The following SERPINI1 variants were observed in gnomAD, a reference collection of about 807,000 sequenced individuals.
The protein encoded by SERPINI1 is serpin family I member 1.
SERPINI1 carries 19 observed loss-of-function variants against 41.1 expected under a neutral mutation model. That is an observed-to-expected ratio of 0.46 (90% CI 0.32 to 0.68). The LOEUF (loss-of-function observed/expected upper bound fraction) is 0.68, where lower values mean the gene tolerates loss of function less well. SERPINI1 is among the 30% of genes least tolerant of loss of function. The pLI, the probability that SERPINI1 is intolerant of heterozygous loss-of-function variation, is 0.03. For missense variants in SERPINI1, 460 were observed against 479.2 expected (o/e 0.96, Z 0.37); for synonymous variants, 138 against 156.6 (o/e 0.88, Z 0.89).
At chr3:167,805,098 A>G (rs563069105) in intron 5 of SERPINI1, among the ~76,000 whole-genome samples, 1 of 152,312 alleles carries the variant, frequency 6.6e-6, no homozygotes, top group East Asian at 1.9e-4. Context: ...AATTAAAACA[A>G]AAATAAAGAC....
intron 1 of SERPINI1, among the ~76,000 whole-genome samples, chr3:167,743,227 A>G (rs1271674163): frequency 6.6e-6 from 1 of 152,068 alleles, no homozygotes. Context: ...AGGAGAGCCT[A>G]CTCTAAAAAT....
intron 1 of SERPINI1, among the ~76,000 whole-genome samples, chr3:167,772,963 T>A (rs1341311098): frequency 8.0e-6 from 1 of 124,332 alleles, no homozygotes; most frequent in Non-Finnish European, 1.7e-5. Context: ...TATATGTATA[T>A]GTGTGTATAT....
At chr3:167,789,421 AC>A (rs1560008797) in intron 2 of SERPINI1, 43 bp downstream of exon 2, 2 of 1,610,292 alleles carry the variant, frequency 1.2e-6, no homozygotes, top group Non-Finnish European at 1.7e-6. Flanking sequence ...TTTGAATTTG[AC>A]TTTGACTCAG....
At chr3:167,756,596 C>T (rs1027585075) in intron 1 of SERPINI1, among the ~76,000 whole-genome samples, 8 of 152,152 alleles carry the variant, frequency 5.3e-5, no homozygotes, top group Admixed American at 1.3e-4. Flanking sequence ...AGGCATAAGC[C>T]GCAACACCCA....
intron 1 of SERPINI1, among the ~76,000 whole-genome samples, chr3:167,784,075 A>C (rs1727226878): frequency 6.6e-6 from 1 of 152,070 alleles, no homozygotes; most frequent in Non-Finnish European, 1.5e-5. Context: ...TGTGGTTTTG[A>C]CATCCCATTT....
At position 167,752,397 on chromosome 3, in the gene SERPINI1, AG is replaced by A. The variant is rs558453080; in HGVS notation, c.-19+16576del. On this transcript the variant is annotated intron_variant, in intron 1 of 8. Coordinates refer to ENST00000446050, the MANE Select transcript of SERPINI1 (RefSeq NM_001122752.2). The stretch of plus-strand genomic sequence containing the variant: ...GTTCCAGCCTTCTCCATCTTAATGA[AG>A]GACAGCTCCACCTACCTACCCAGCT... 4.6e-5 allele frequency among the ~76,000 whole-genome samples: 7 copies of A among 152,286 alleles called. No individual in the cohort carries two copies. The South Asian group carries it at 1.5e-3, about 32-fold the overall frequency.
At chr3:167,742,900 C>T (rs1250525120) in intron 1 of SERPINI1, among the ~76,000 whole-genome samples, 1 of 151,178 alleles carries the variant, frequency 6.6e-6, no homozygotes, top group Non-Finnish European at 1.5e-5. Context: ...CAAGTGTTCA[C>T]TTCAGTGATT....
chr3:167,784,584 T>A (rs1398207854), intron 1 of SERPINI1, among the ~76,000 whole-genome samples: 1 of 152,094 alleles, frequency 6.6e-6, no homozygotes, highest in African/African-American at 2.4e-5. Flanking sequence ...ACAATCATGG[T>A]GGAAGGCAAA....
At chr3:167,766,808 A>G (rs112840302) in intron 1 of SERPINI1, among the ~76,000 whole-genome samples, 1,816 of 152,358 alleles carry the variant, frequency 0.012, 29 homozygotes, top group African/African-American at 0.039. Flanking sequence ...CCTAAATTCT[A>G]TGAAGGCTGA....
intron 1 of SERPINI1, among the ~76,000 whole-genome samples, chr3:167,744,669 T>C: frequency 9.7e-6 from 1 of 103,422 alleles, no homozygotes; most frequent in East Asian, 2.3e-4. Context: ...TATAAAAATA[T>C]ATATATAAAT....
intron 5 of SERPINI1, among the ~76,000 whole-genome samples, chr3:167,797,166 C>A (rs1727743395): frequency 6.6e-6 from 1 of 151,932 alleles, no homozygotes; most frequent in South Asian, 2.1e-4. Flanking sequence ...TCTTTTGAGT[C>A]ATGTTGTTCA....
chr3:167,737,029 G>T (rs538136507), intron 1 of SERPINI1, among the ~76,000 whole-genome samples: 10 of 151,632 alleles, frequency 6.6e-5, no homozygotes, highest in African/African-American at 2.4e-4. Context: ...AATAACCAGG[G>T]TCAATAAAAT....
intron 1 of SERPINI1, among the ~76,000 whole-genome samples, chr3:167,751,984 T>C (rs913277471): frequency 1.3e-5 from 2 of 152,232 alleles, no homozygotes; most frequent in African/African-American, 2.4e-5. Flanking sequence ...ACAATAGTTA[T>C]GCCAAATGGG....
chr3:167,770,283 T>C (rs1224458666), intron 1 of SERPINI1, among the ~76,000 whole-genome samples: 11 of 152,028 alleles, frequency 7.2e-5, no homozygotes. Flanking sequence ...GTCTGATCTC[T>C]CTGGAATTTA....
chr3:167,740,976 G>A (rs1254147704), intron 1 of SERPINI1, among the ~76,000 whole-genome samples: 1 of 152,216 alleles, frequency 6.6e-6, no homozygotes, highest in African/African-American at 2.4e-5. Flanking sequence ...TCCATTTTCA[G>A]TGAAAAGGCT....
At chr3:167,792,853 A>C in intron 4 of SERPINI1, 69 bp downstream of exon 4, 1 of 1,350,596 alleles carries the variant, frequency 7.4e-7, no homozygotes, top group Non-Finnish European at 1.1e-6. Flanking sequence ...AAAAACATGA[A>C]GCATTCATAT....
At chr3:167,745,667 G>T (rs1478213428) in intron 1 of SERPINI1, among the ~76,000 whole-genome samples, 1 of 151,938 alleles carries the variant, frequency 6.6e-6, no homozygotes, top group Non-Finnish European at 1.5e-5. Flanking sequence ...AAATCCTAAA[G>T]AATCCACATG....
At chr3:167,736,321 C>T (rs1444263990) in intron 1 of SERPINI1, among the ~76,000 whole-genome samples, 3 of 152,128 alleles carry the variant, frequency 2.0e-5, no homozygotes, top group Non-Finnish European at 4.4e-5. Context: ...TGCAAGAAAT[C>T]CGTATTAAAG....
At chr3:167,738,216 T>C (rs572095035) in intron 1 of SERPINI1, among the ~76,000 whole-genome samples, 2 of 152,280 alleles carry the variant, frequency 1.3e-5, no homozygotes, top group South Asian at 2.1e-4. Context: ...AGTGAATATG[T>C]ATGATGAGAA....
Sources: gnomAD v4.1 joint callset for allele counts (sites outside exome capture counted in the v4.1 genomes callset) on GRCh38, gnomAD v4.1.1 for gene constraint, MANE v1.5 for transcripts, NCBI Gene and HGNC (gene_info 2026-07-23, HGNC 2026-07-21) for gene names.